The following FHIT variants were observed in gnomAD, a reference collection of about 807,000 sequenced individuals.
FHIT encodes the protein fragile histidine triad diadenosine triphosphatase, also known as bis(5'-adenosyl)-triphosphatase.
Under a neutral mutation model 17.9 loss-of-function variants are expected in FHIT, and 19 were observed. The observed-to-expected ratio is 1.06, with a 90% confidence interval of 0.74 to 1.56. The LOEUF (loss-of-function observed/expected upper bound fraction) is 1.56, where lower values mean the gene tolerates loss of function less well. Ranked by LOEUF, FHIT falls within the 40% of genes most tolerant of loss-of-function variation. The pLI is 0.00. For missense variants in FHIT, 248 were observed against 189.2 expected, an observed-to-expected ratio of 1.31 and a Z score of -1.82; for synonymous variants, 81 against 69.7, an observed-to-expected ratio of 1.16 and a Z score of -0.81.
intron 5 of FHIT, among the ~76,000 whole-genome samples, chr3:60,390,188 G>A (rs952674677): frequency 6.6e-6 from 1 of 151,924 alleles, no homozygotes; most frequent in African/African-American, 2.4e-5. Context: ...AAAATAATTT[G>A]TTTATCTGAG....
At chr3:60,520,601 T>C (rs1353506592) in intron 5 of FHIT, among the ~76,000 whole-genome samples, 1 of 152,112 alleles carries the variant, frequency 6.6e-6, no homozygotes, top group Non-Finnish European at 1.5e-5. Flanking sequence ...TATTGCTGAA[T>C]TGTTGGTAGT....
At chr3:60,464,797 G>A (rs1211393821) in intron 5 of FHIT, among the ~76,000 whole-genome samples, 1 of 152,048 alleles carries the variant, frequency 6.6e-6, no homozygotes, top group East Asian at 1.9e-4. Context: ...ATCTTGGCTA[G>A]TGTGAACAAT....
chr3:60,184,529 T>G (rs1401659822), intron 5 of FHIT, among the ~76,000 whole-genome samples: 2 of 152,054 alleles, frequency 1.3e-5, no homozygotes, highest in African/African-American at 4.8e-5. Flanking sequence ...AAAGATAAAG[T>G]GCCATACTCA....
intron 2 of FHIT, among the ~76,000 whole-genome samples, chr3:61,081,550 A>C (rs2035137738): frequency 6.6e-6 from 1 of 152,118 alleles, no homozygotes; most frequent in Non-Finnish European, 1.5e-5. Flanking sequence ...GTTAAACTCA[A>C]TTTGGTCAAT....
At chr3:60,025,061 A>G (rs11130747) in intron 5 of FHIT, among the ~76,000 whole-genome samples, 4,231 of 152,216 alleles carry the variant, frequency 0.028, 198 homozygotes, top group African/African-American at 0.096. Context: ...AAAGGAAGAG[A>G]AGGATCAAAG....
intron 2 of FHIT, among the ~76,000 whole-genome samples, chr3:61,096,370 T>C (rs777972343): frequency 4.6e-5 from 7 of 152,150 alleles, no homozygotes; most frequent in Non-Finnish European, 1.0e-4. Flanking sequence ...AGTGCTAAGG[T>C]CAGTGGTCCT....
intron 2 of FHIT, among the ~76,000 whole-genome samples, chr3:61,152,951 G>T (rs1298610863): frequency 6.6e-6 from 1 of 152,134 alleles, no homozygotes; most frequent in East Asian, 1.9e-4. Context: ...AGACCATCCT[G>T]GCTAACACGG....
chr3:60,807,427 A>G (rs893115218), intron 4 of FHIT, among the ~76,000 whole-genome samples: 5 of 152,088 alleles, frequency 3.3e-5, no homozygotes, highest in Non-Finnish European at 5.9e-5. Context: ...AAGAAAAAAA[A>G]AAAGAAATTA....
intron 8 of FHIT, among the ~76,000 whole-genome samples, chr3:59,757,905 A>G (rs1375667703): frequency 6.6e-6 from 1 of 152,192 alleles, no homozygotes; most frequent in African/African-American, 2.4e-5. Context: ...TGATGAACAC[A>G]TGATATATTC....
At chr3:61,024,157 G>C (rs565175376) in intron 3 of FHIT, among the ~76,000 whole-genome samples, 5 of 152,124 alleles carry the variant, frequency 3.3e-5, no homozygotes, top group African/African-American at 7.2e-5. Context: ...TGTTACCCAA[G>C]AATATAACTT....
chr3:60,963,834 G>C (rs1709580633), intron 3 of FHIT, among the ~76,000 whole-genome samples: 1 of 152,176 alleles, frequency 6.6e-6, no homozygotes, highest in South Asian at 2.1e-4. Context: ...ATTTGCAAAG[G>C]AGTGCTTTAC....
chr3:59,934,434 G>C (rs538663235), intron 7 of FHIT, among the ~76,000 whole-genome samples: 1 of 152,228 alleles, frequency 6.6e-6, no homozygotes, highest in East Asian at 1.9e-4. Context: ...GCCCATTAGA[G>C]AGAATGGACT....
chr3:60,090,636 C>G (rs942934114), intron 5 of FHIT, among the ~76,000 whole-genome samples: 97 of 152,256 alleles, frequency 6.4e-4, no homozygotes, highest in African/African-American at 2.3e-3. Flanking sequence ...GGTGACAACC[C>G]TTTCTCTGCT....
chr3:59,867,668 G>C (rs753768910), intron 8 of FHIT, among the ~76,000 whole-genome samples: 93 of 151,800 alleles, frequency 6.1e-4, no homozygotes, highest in Middle Eastern at 3.2e-3. Context: ...TCAGCTTTTT[G>C]GTATGCCTTA....
At chr3:60,810,867 G>A (rs1452400103) in intron 4 of FHIT, among the ~76,000 whole-genome samples, 5 of 152,068 alleles carry the variant, frequency 3.3e-5, no homozygotes, top group African/African-American at 1.2e-4. Context: ...TTTATAAACT[G>A]GAATTGTTTT....
In FHIT at chr3:60,087,995, G is replaced by A. The variant is rs572696398; in HGVS notation, c.104-73843C>T. Reference sequence around the variant, plus strand: ...ATTTATGTGGATCACAATTCTAATGGCTAAAAAATTCAAGATTGAATATCT... The same window carrying A: ...ATTTATGTGGATCACAATTCTAATGACTAAAAAATTCAAGATTGAATATCT... On this transcript the variant is annotated intron_variant, in intron 5 of 9. Coordinates refer to ENST00000492590, the MANE Select transcript of FHIT (RefSeq NM_002012.4). Among the ~76,000 whole-genome samples, 4 of 152,218 alleles carry A rather than the reference G, an allele frequency of 2.6e-5. No homozygotes were observed. The South Asian group carries it at 6.2e-4, about 24-fold the overall frequency.
chr3:60,075,362 C>CACT (rs1364618781), intron 5 of FHIT, among the ~76,000 whole-genome samples: 3 of 152,066 alleles, frequency 2.0e-5, no homozygotes, highest in African/African-American at 7.2e-5. Context: ...GTGGGAAGAG[C>CACT]ACTAGACCAA....
At chr3:60,262,595 A>G (rs1706359661) in intron 5 of FHIT, among the ~76,000 whole-genome samples, 1 of 152,012 alleles carries the variant, frequency 6.6e-6, no homozygotes, top group Non-Finnish European at 1.5e-5. Context: ...ACAAGGCCAG[A>G]AAGAGACCCA....
intron 5 of FHIT, among the ~76,000 whole-genome samples, chr3:60,227,964 G>A (rs1446008798): frequency 2.0e-5 from 3 of 152,144 alleles, no homozygotes; most frequent in Non-Finnish European, 4.4e-5. Context: ...CTGCAGGGGA[G>A]CTGGAGATAG....
Sources: gnomAD v4.1 joint callset for allele counts (sites outside exome capture counted in the v4.1 genomes callset) on GRCh38, gnomAD v4.1.1 for gene constraint, MANE v1.5 for transcripts, NCBI Gene and HGNC (gene_info 2026-07-23, HGNC 2026-07-21) for gene names.